The following BBX variants were observed in gnomAD, a reference collection of about 807,000 sequenced individuals.
BBX encodes HMG box transcription factor BBX.
Under a neutral mutation model 100.2 loss-of-function variants are expected in BBX, and 30 were observed. The ratio of observed to expected loss-of-function variants is 0.30; its 90% CI spans 0.22 to 0.41. The LOEUF (loss-of-function observed/expected upper bound fraction) is 0.41, where lower values mean the gene tolerates loss of function less well. Among genes scored for constraint, BBX ranks in the 10% least tolerant of loss-of-function variants. The probability of loss-of-function intolerance (pLI) is 1.00; values close to 1 mark genes in which losing one functional copy is unlikely to be tolerated. For missense variants in BBX, 1,023 were observed against 1,129.8 expected (o/e 0.91, Z 1.35); for synonymous variants, 376 against 388.1 (o/e 0.97, Z 0.37).
At chr3:107,534,889 G>T (rs1248842043) in intron 2 of BBX, among the ~76,000 whole-genome samples, 1 of 152,226 alleles carries the variant, frequency 6.6e-6, no homozygotes, top group Non-Finnish European at 1.5e-5. Flanking sequence ...CTTCAGGAAA[G>T]TTGAATGCAG....
At chr3:107,759,719 A>G (rs961093480) in intron 10 of BBX, among the ~76,000 whole-genome samples, 6 of 152,170 alleles carry the variant, frequency 3.9e-5, no homozygotes, top group African/African-American at 1.4e-4. Context: ...GTGTATATAC[A>G]CATATTTTTG....
Position 107,697,570 on chromosome 3 carries a change from G to A in BBX, c.-9-12882G>A, listed in dbSNP as rs927442319. Among the ~76,000 whole-genome samples the A allele has an allele frequency of 4.6e-5, 7 of 151,880 alleles. 1 individual carries two copies. The highest frequency in any genetic ancestry group is 1.2e-4 in the African/African-American group (5 of 41,142). The stretch of plus-strand genomic sequence containing the variant: ...TCTGCCCGTTCTCAGATCTCCAGCC[G>A]CGTGCTGGGAGAACCGCTGCTCTCT... On this transcript the variant is annotated intron_variant, in intron 3 of 17. Transcript: ENST00000325805.
At chr3:107,637,511 C>G (rs930632305) in intron 2 of BBX, among the ~76,000 whole-genome samples, 1 of 152,214 alleles carries the variant, frequency 6.6e-6, no homozygotes, top group Non-Finnish European at 1.5e-5. Flanking sequence ...GGCAAGTGTA[C>G]TGACCATGGC....
intron 2 of BBX, among the ~76,000 whole-genome samples, chr3:107,582,065 G>A (rs546426760): frequency 1.3e-5 from 2 of 151,958 alleles, no homozygotes; most frequent in African/African-American, 4.8e-5. Context: ...TTAGGCAGAA[G>A]CAGTTATTTC....
intron 7 of BBX, among the ~76,000 whole-genome samples, chr3:107,734,656 C>T (rs1386622494): frequency 1.3e-5 from 2 of 152,188 alleles, no homozygotes; most frequent in African/African-American, 2.4e-5. Context: ...GTTTCATTCG[C>T]AACATCTATT....
intron 13 of BBX, among the ~76,000 whole-genome samples, chr3:107,784,773 CAAAG>C (rs1011775903): frequency 1.3e-5 from 2 of 151,116 alleles, no homozygotes; most frequent in Non-Finnish European, 3.0e-5. Flanking sequence ...AAACCAAACT[CAAAG>C]GAAGCAGAAG....
intron 2 of BBX, among the ~76,000 whole-genome samples, chr3:107,593,828 C>T (rs951992437): frequency 1.3e-5 from 2 of 152,164 alleles, no homozygotes; most frequent in African/African-American, 2.4e-5. Flanking sequence ...TAGTTTTATA[C>T]GGAAGCTGTA....
At chr3:107,765,019 T>G (rs1029004387) in intron 10 of BBX, among the ~76,000 whole-genome samples, 1 of 152,204 alleles carries the variant, frequency 6.6e-6, no homozygotes, top group Admixed American at 6.5e-5. Context: ...AGACAACTGA[T>G]TTGAGGTCTT....
At chr3:107,782,791 AG>A (rs2068029079) in intron 13 of BBX, among the ~76,000 whole-genome samples, 1 of 152,082 alleles carries the variant, frequency 6.6e-6, no homozygotes, top group East Asian at 1.9e-4. Context: ...CAAAAACTTA[AG>A]TGGAGACCTA....
chr3:107,720,596 C>A (rs1215094558), intron 5 of BBX, among the ~76,000 whole-genome samples: 1 of 151,892 alleles, frequency 6.6e-6, no homozygotes, highest in African/African-American at 2.4e-5. Context: ...CCACGAGAGA[C>A]CAGACTTAAA....
At chr3:107,677,805 T>C (rs2107965159) in intron 3 of BBX, among the ~76,000 whole-genome samples, 1 of 152,318 alleles carries the variant, frequency 6.6e-6, no homozygotes, top group South Asian at 2.1e-4. Context: ...CTTAAGTGCA[T>C]ACAAATTTAC....
At chr3:107,743,215 A>T (rs1012877652) in intron 7 of BBX, among the ~76,000 whole-genome samples, 8 of 152,216 alleles carry the variant, frequency 5.3e-5, no homozygotes, top group African/African-American at 1.9e-4. Context: ...TTACCAAATA[A>T]TCTAGGAGCC....
intron 9 of BBX, among the ~76,000 whole-genome samples, chr3:107,749,406 A>C (rs186259800): frequency 1.3e-5 from 2 of 152,284 alleles, no homozygotes; most frequent in East Asian, 3.9e-4. Flanking sequence ...CTTTTCAGAA[A>C]CATTTTTTTC....
At chr3:107,585,885 C>G (rs1001524750) in intron 2 of BBX, among the ~76,000 whole-genome samples, 4 of 152,138 alleles carry the variant, frequency 2.6e-5, no homozygotes, top group Non-Finnish European at 5.9e-5. Flanking sequence ...GAAAAAAGGT[C>G]AGTGACCCAT....
At chr3:107,549,449 T>C (rs1454583069) in intron 2 of BBX, among the ~76,000 whole-genome samples, 1 of 152,130 alleles carries the variant, frequency 6.6e-6, no homozygotes, top group Non-Finnish European at 1.5e-5. Context: ...GGGATCATAC[T>C]CTCAGGAATT....
At chr3:107,562,852 CAG>C (rs966557250) in intron 2 of BBX, among the ~76,000 whole-genome samples, 1 of 152,130 alleles carries the variant, frequency 6.6e-6, no homozygotes, top group African/African-American at 2.4e-5. Flanking sequence ...TTTAATCAAA[CAG>C]AAAATAACTT....
At chr3:107,565,746 C>T (rs974866281) in intron 2 of BBX, among the ~76,000 whole-genome samples, 5 of 151,626 alleles carry the variant, frequency 3.3e-5, no homozygotes, top group African/African-American at 9.7e-5. Flanking sequence ...CATGAGCCAC[C>T]GTGCCCAACC....
intron 3 of BBX, among the ~76,000 whole-genome samples, chr3:107,647,716 C>A (rs1211995357): frequency 6.6e-6 from 1 of 152,190 alleles, no homozygotes; most frequent in Non-Finnish European, 1.5e-5. Context: ...TAGTCAATTA[C>A]ATTTCAGTAT....
chr3:107,677,440 T>G (rs13326227), intron 3 of BBX: 36,771 of 152,026 alleles, frequency 0.24, 5,494 homozygotes, highest in South Asian at 0.4. Flanking sequence ...CTCTTTGACT[T>G]AAAATGGGGC....
Sources: allele counts gnomAD v4.1 joint callset (sites outside exome capture counted in the v4.1 genomes callset), GRCh38; gene constraint gnomAD v4.1.1; transcripts MANE v1.5; gene names NCBI Gene and HGNC (gene_info 2026-07-23, HGNC 2026-07-21).